Variants in SLC22A23 observed in about 807,000 individuals in gnomAD.
The protein encoded by SLC22A23 is ion transporter protein.
In SLC22A23, 26 loss-of-function variants were observed where a neutral mutation model predicts 61.0. The ratio of observed to expected loss-of-function variants is 0.43; its 90% CI spans 0.31 to 0.59. The LOEUF (loss-of-function observed/expected upper bound fraction) is 0.59. Among genes scored for constraint, SLC22A23 ranks in the 20% least tolerant of loss-of-function variants. SLC22A23 has a pLI of 0.11. For synonymous variants in SLC22A23, 430 were observed against 413.9 expected (o/e 1.04, Z -0.47); for missense variants, 796 against 934.7 (o/e 0.85, Z 1.94).
intron 9 of SLC22A23, among the ~76,000 whole-genome samples, chr6:3,283,293 G>A (rs1004676681): frequency 3.1e-4 from 47 of 152,120 alleles, no homozygotes; most frequent in African/African-American, 8.7e-4. Flanking sequence ...TTAGCCGGGC[G>A]TGGTGGCGCA....
At chr6:3,449,359 T>A (rs1005861235) in intron 1 of SLC22A23, among the ~76,000 whole-genome samples, 3 of 152,176 alleles carry the variant, frequency 2.0e-5, no homozygotes, top group African/African-American at 7.2e-5. Flanking sequence ...AAAAATATCA[T>A]GTACAAAATT....
intron 1 of SLC22A23, among the ~76,000 whole-genome samples, chr6:3,443,226 C>T (rs1284607304): frequency 6.6e-6 from 1 of 152,208 alleles, no homozygotes; most frequent in African/African-American, 2.4e-5. Context: ...GGTGACAACA[C>T]ACTTTGTCAA....
rs1349644602 is a variant in SLC22A23, at chr6:3,272,651, G to T, written c.*404C>A. ...CAGGCAGGCAGCCTGGGGGGCTCCT[G>T]GGTGCTGCCAGGAGCCGTGTCCCAT... On this transcript the variant is annotated 3_prime_UTR_variant, in exon 10 of 10. Coordinates refer to ENST00000406686, the MANE Select transcript of SLC22A23 (RefSeq NM_015482.2). 1.3e-5 allele frequency: 2 copies of T among 156,344 alleles called. No individual in the cohort carries two copies. The highest frequency in any genetic ancestry group is 2.8e-5 in the Non-Finnish European group (2 of 70,650). 9.7% of individuals were successfully genotyped at this position (156,344 alleles called of 1,614,324 possible).
At chr6:3,437,310 G>C (rs1771280282) in intron 1 of SLC22A23, among the ~76,000 whole-genome samples, 1 of 152,018 alleles carries the variant, frequency 6.6e-6, no homozygotes, top group South Asian at 2.1e-4. Context: ...TCATAGTCTT[G>C]ACAATATCCA....
chr6:3,380,503 C>T (rs985795810), intron 3 of SLC22A23, among the ~76,000 whole-genome samples: 5 of 152,118 alleles, frequency 3.3e-5, no homozygotes, highest in East Asian at 1.9e-4. Context: ...CTAGGCATTC[C>T]GGTAGATTTA....
intron 3 of SLC22A23, among the ~76,000 whole-genome samples, chr6:3,381,181 C>T (rs1229551077): frequency 6.6e-6 from 1 of 151,982 alleles, no homozygotes; most frequent in Non-Finnish European, 1.5e-5. Context: ...TAACTGAAGT[C>T]CCTTCCCGTG....
intron 3 of SLC22A23, among the ~76,000 whole-genome samples, chr6:3,404,021 G>C (rs1168100182): frequency 6.6e-6 from 1 of 152,188 alleles, no homozygotes; most frequent in Non-Finnish European, 1.5e-5. Context: ...TTTTAGAGTA[G>C]TGAACAGCTT....
At chr6:3,347,271 G>GT (rs1764495100) in intron 3 of SLC22A23, among the ~76,000 whole-genome samples, 1 of 124,252 alleles carries the variant, frequency 8.0e-6, no homozygotes, top group South Asian at 2.7e-4. Flanking sequence ...ACATGCATCT[G>GT]TCCCCCCAAC....
chr6:3,439,344 G>A, intron 1 of SLC22A23: 3 of 425,338 alleles, frequency 7.1e-6, no homozygotes, highest in South Asian at 4.8e-5. Context: ...GGATGCTGGG[G>A]TCCTACAGGC....
chr6:3,353,499 G>A (rs776138267), intron 3 of SLC22A23, among the ~76,000 whole-genome samples: 4 of 152,188 alleles, frequency 2.6e-5, no homozygotes, highest in South Asian at 2.1e-4. Flanking sequence ...TGGGATTCAC[G>A]ATGTCACCTG....
intron 1 of SLC22A23, among the ~76,000 whole-genome samples, chr6:3,416,119 C>T (rs566885861): frequency 4.3e-4 from 65 of 152,346 alleles, no homozygotes; most frequent in Middle Eastern, 3.4e-3. Context: ...GATGTGTATT[C>T]TTCTGTCCCA....
Position 3,410,122 on chromosome 6 carries a change from G to C in SLC22A23, c.913+66C>G, listed in dbSNP as rs187260203. 1.4e-5 allele frequency: 22 copies of C among 1,534,318 alleles called. No homozygotes were observed. In the African/African-American group the frequency reaches 2.6e-4, roughly 18 times the overall value. ...AGCAGCATGCACAGTATCTTTCCCA[G>C]AACCTCCCAGGCAACAATACTTTTG... is the stretch of plus-strand genomic sequence containing the variant. On this transcript the variant is annotated intron_variant, in intron 3 of 9. Transcript: ENST00000406686. The surrounding 1 kb of genome is among the most constrained non-coding windows in gnomAD (Gnocchi z 5.0).
intron 3 of SLC22A23, among the ~76,000 whole-genome samples, chr6:3,348,615 C>T (rs537221763): frequency 1.2e-3 from 186 of 152,320 alleles, no homozygotes; most frequent in Non-Finnish European, 2.0e-3. Context: ...ACCACATTCC[C>T]GGCACGGAGC....
At chr6:3,274,486 C>T (rs1163329906) in intron 9 of SLC22A23, among the ~76,000 whole-genome samples, 1 of 152,126 alleles carries the variant, frequency 6.6e-6, no homozygotes, top group Non-Finnish European at 1.5e-5. Context: ...GTTAGGCACC[C>T]CCTTGAAGTG....
chr6:3,394,848 GCT>G (rs1228125221), intron 3 of SLC22A23, among the ~76,000 whole-genome samples: 1 of 152,246 alleles, frequency 6.6e-6, no homozygotes, highest in Non-Finnish European at 1.5e-5. Flanking sequence ...GGTGACAGGG[GCT>G]AAGACTCGGG....
At chr6:3,312,511 G>A (rs1762418679) in intron 4 of SLC22A23, 1 of 152,148 alleles carries the variant, frequency 6.6e-6, no homozygotes, top group African/African-American at 2.4e-5. Flanking sequence ...TATGATAGCA[G>A]CCTCACCTCC....
chr6:3,415,884 A>T, intron 1 of SLC22A23, 29 bp from the exon 2 acceptor site: 9 of 1,472,552 alleles, frequency 6.1e-6, no homozygotes, highest in Non-Finnish European at 8.4e-6. Flanking sequence ...AAAATAAATC[A>T]GAGAGAAACA....
chr6:3,414,346 A>C lies in SLC22A23; in HGVS notation c.758+1406T>G, dbSNP rs1305740443. On this transcript the variant is annotated intron_variant, in intron 2 of 9. Transcript: ENST00000406686. The surrounding 1 kb of genome is among the most constrained non-coding windows in gnomAD (Gnocchi z 5.1). The stretch of plus-strand genomic sequence containing the variant: ...GAACTCAAGTATTTGGTTTAAAAAA[A>C]TAAACCCTGTGTTGCCTCTACCAAA... Among the ~76,000 whole-genome samples the C allele has an allele frequency of 1.3e-5, 2 of 152,232 alleles. No homozygotes were observed. Among genetic ancestry groups the C allele is most frequent in the African/African-American group, 2.4e-5 (1 of 41,454 alleles).
At chr6:3,381,019 T>G (rs1275022032) in intron 3 of SLC22A23, among the ~76,000 whole-genome samples, 1 of 152,174 alleles carries the variant, frequency 6.6e-6, no homozygotes. Flanking sequence ...TTTTGAAATC[T>G]CTTCAACTTT....
Sources: gnomAD v4.1 joint callset for allele counts (sites outside exome capture counted in the v4.1 genomes callset) on GRCh38, gnomAD v4.1.1 for gene constraint, Gnocchi (gnomAD v3.1) non-coding constraint, MANE v1.5 for transcripts, NCBI Gene and HGNC (gene_info 2026-07-23, HGNC 2026-07-21) for gene names.